Variants in CACNA2D1 observed in about 807,000 individuals in gnomAD.
The protein encoded by CACNA2D1 is voltage-dependent calcium channel subunit alpha-2/delta-1.
In CACNA2D1, 53 loss-of-function variants were observed where a neutral mutation model predicts 171.5. The ratio of observed to expected loss-of-function variants is 0.31; its 90% CI spans 0.25 to 0.39. CACNA2D1 has a LOEUF of 0.39. Ranked by LOEUF, CACNA2D1 falls within the 10% of genes least tolerant of loss-of-function variation. The pLI, the probability that CACNA2D1 is intolerant of heterozygous loss-of-function variation, is 1.00. For synonymous variants in CACNA2D1, 442 were observed against 443.1 expected (o/e 1.00, Z 0.03); for missense variants, 903 against 1,299.8 (o/e 0.69, Z 4.69).
chr7:82,351,675 T>G (rs2129446145), intron 1 of CACNA2D1, among the ~76,000 whole-genome samples: 1 of 152,296 alleles, frequency 6.6e-6, no homozygotes, highest in Admixed American at 6.5e-5. Context: ...TAACTAGTGC[T>G]ACTTATTAGC....
intron 6 of CACNA2D1, among the ~76,000 whole-genome samples, chr7:82,092,737 A>G (rs975131446): frequency 1.3e-5 from 2 of 151,888 alleles, no homozygotes; most frequent in South Asian, 2.1e-4. Flanking sequence ...TTGTAATTAA[A>G]TGAGTAAATA....
chr7:82,356,389 G>A (rs1395571541), intron 1 of CACNA2D1, among the ~76,000 whole-genome samples: 2 of 151,854 alleles, frequency 1.3e-5, no homozygotes, highest in Non-Finnish European at 2.9e-5. Flanking sequence ...CACTTCCATC[G>A]CGAATGGATA....
chr7:81,959,453 T>G (rs1793835694), intron 37 of CACNA2D1, 96 bp from the exon 38 acceptor site: 2 of 871,576 alleles, frequency 2.3e-6, no homozygotes, highest in African/African-American at 1.7e-5. Flanking sequence ...GTGAGAGAGA[T>G]AACTTATACA....
chr7:82,012,082 T>C, intron 15 of CACNA2D1, 72 bp downstream of exon 15: 2 of 946,098 alleles, frequency 2.1e-6, no homozygotes, highest in South Asian at 1.3e-5. Context: ...AGAGACATCA[T>C]CTAGAAAGAA....
At chr7:82,171,201 A>T (rs1183649797) in intron 3 of CACNA2D1, among the ~76,000 whole-genome samples, 4 of 152,092 alleles carry the variant, frequency 2.6e-5, no homozygotes, top group Admixed American at 2.6e-4. Flanking sequence ...ATGCTAAAGT[A>T]GTTAAGAATT....
At chr7:82,361,085 C>T (rs7804162) in intron 1 of CACNA2D1, among the ~76,000 whole-genome samples, 15,420 of 152,166 alleles carry the variant, frequency 0.1, 2,560 homozygotes, top group African/African-American at 0.35. Context: ...TTGCTTTCAA[C>T]CTTTTTGTCC....
chr7:82,090,513 T>G (rs35210040), intron 6 of CACNA2D1, among the ~76,000 whole-genome samples: 1 of 152,094 alleles, frequency 6.6e-6, no homozygotes, highest in Non-Finnish European at 1.5e-5. Flanking sequence ...TGCATTGAGA[T>G]AAAAATTAGC....
intron 1 of CACNA2D1, among the ~76,000 whole-genome samples, chr7:82,431,090 C>G (rs1457519221): frequency 6.6e-6 from 1 of 152,246 alleles, no homozygotes; most frequent in African/African-American, 2.4e-5. Context: ...AGGGATGGAA[C>G]AGTTCACCCA....
chr7:82,143,308 T>A (rs1396937026), intron 4 of CACNA2D1, among the ~76,000 whole-genome samples: 8 of 152,114 alleles, frequency 5.3e-5, no homozygotes, highest in African/African-American at 1.9e-4. Flanking sequence ...ATAAGATAAT[T>A]GATATAAAGT....
intron 3 of CACNA2D1, among the ~76,000 whole-genome samples, chr7:82,194,632 T>TTA (rs1201221027): frequency 1.3e-5 from 2 of 151,896 alleles, no homozygotes; most frequent in African/African-American, 4.8e-5. Flanking sequence ...CATTTGACAT[T>TTA]TATATATATT....
At chr7:82,354,214 A>G (rs1820172633) in intron 1 of CACNA2D1, among the ~76,000 whole-genome samples, 1 of 152,154 alleles carries the variant, frequency 6.6e-6, no homozygotes, top group Admixed American at 6.5e-5. Flanking sequence ...CATTTTCTGA[A>G]GGCTCCTGTG....
intron 3 of CACNA2D1, among the ~76,000 whole-genome samples, chr7:82,281,991 T>C (rs979419546): frequency 6.6e-6 from 1 of 152,164 alleles, no homozygotes; most frequent in Non-Finnish European, 1.5e-5. Context: ...AAACTCCATG[T>C]GCCAAAGCTA....
chr7:82,240,797 T>C (rs1266005939), intron 3 of CACNA2D1, among the ~76,000 whole-genome samples: 2 of 152,016 alleles, frequency 1.3e-5, no homozygotes, highest in Admixed American at 6.6e-5. Flanking sequence ...TGAAACCCTG[T>C]CTCTACTAAA....
intron 38 of CACNA2D1, among the ~76,000 whole-genome samples, chr7:81,950,822 T>C (rs1297110206): frequency 6.6e-6 from 1 of 152,068 alleles, no homozygotes; most frequent in African/African-American, 2.4e-5. Context: ...AAAAATCCTA[T>C]ATATTTATAA....
intron 11 of CACNA2D1, among the ~76,000 whole-genome samples, chr7:82,037,233 C>T (rs1803386154): frequency 6.6e-6 from 1 of 152,164 alleles, no homozygotes. Context: ...AATCCCAGCA[C>T]ATTGGGAGGC....
At chr7:82,351,920 A>T (rs1417171692) in intron 1 of CACNA2D1, among the ~76,000 whole-genome samples, 1 of 152,176 alleles carries the variant, frequency 6.6e-6, no homozygotes, top group Non-Finnish European at 1.5e-5. Context: ...TCCAACACTG[A>T]CAAATAATAA....
chr7:81,994,862 T>C lies in CACNA2D1; in HGVS notation c.1734+6A>G. 1 of 1,347,440 alleles carries C rather than the reference T, an allele frequency of 7.4e-7. No homozygotes were observed. Among genetic ancestry groups the C allele is most frequent in the Admixed American group, 1.7e-5 (1 of 59,662 alleles). The allele number at this position is 1,347,440 out of a possible 1,614,324, so 83.5% of individuals were successfully genotyped here. On this transcript the variant is annotated splice_donor_region_variant and intron_variant, in intron 20 of 38. Coordinates refer to ENST00000356860, the MANE Select transcript of CACNA2D1 (RefSeq NM_000722.4). The stretch of plus-strand genomic sequence containing the variant: ...TATTTAAGAATAAGCTAGAATCAAT[T>C]CTTACCTCATCTTGAGATTTAACCA...
intron 4 of CACNA2D1, among the ~76,000 whole-genome samples, chr7:82,170,049 G>C (rs1159399034): frequency 1.3e-5 from 2 of 151,156 alleles, no homozygotes; most frequent in African/African-American, 4.9e-5. Context: ...GAGTAGAAGA[G>C]AGATTACTTC....
intron 38 of CACNA2D1, 26 bp from the exon 39 acceptor site, chr7:81,950,534 A>C (rs986215271): frequency 1.3e-6 from 2 of 1,592,290 alleles, no homozygotes; most frequent in Non-Finnish European, 1.7e-6. Context: ...AAAGAAAAGA[A>C]CAGAAAAAGA....
Sources: allele counts gnomAD v4.1 joint callset (sites outside exome capture counted in the v4.1 genomes callset), GRCh38; gene constraint gnomAD v4.1.1; transcripts MANE v1.5; gene names NCBI Gene and HGNC (gene_info 2026-07-23, HGNC 2026-07-21).